The following TLN2 variants were observed in gnomAD, a reference collection of about 807,000 sequenced individuals.
TLN2 encodes talin 2.
TLN2 carries 118 observed loss-of-function variants against 294.7 expected under a neutral mutation model. The observed-to-expected ratio is 0.40, with a 90% CI of 0.34 to 0.47. The LOEUF (loss-of-function observed/expected upper bound fraction) is 0.47, where lower values mean the gene tolerates loss of function less well. TLN2 is among the 20% of genes least tolerant of loss of function. The pLI, the probability that TLN2 is intolerant of heterozygous loss-of-function variation, is 0.84. For synonymous variants in TLN2, 1,431 were observed against 1,304.5 expected, an observed-to-expected ratio of 1.10 and a Z score of -2.09; for missense variants, 3,083 against 3,282.2, an observed-to-expected ratio of 0.94 and a Z score of 1.48.
At chr15:62,609,218 A>G (rs1028161658) in intron 2 of TLN2, among the ~76,000 whole-genome samples, 2 of 152,248 alleles carry the variant, frequency 1.3e-5, no homozygotes, top group Non-Finnish European at 2.9e-5. Context: ...AATACAGCAC[A>G]AAAGAAGGTT....
rs910829682 is a variant in TLN2 at position 62,620,816 on chromosome 15, C to CT, written c.-37+2351dup. ...ATTTTCAGATTCCTGAAACCTGCTT[C>CT]TTTTTTTTTTCTTTCTTTTTCTTTT... On this transcript the variant is annotated intron_variant, in intron 3 of 58. Transcript: ENST00000636159. Among the ~76,000 whole-genome samples the CT allele has an allele frequency of 1.4e-4, 19 of 133,720 alleles. 1 individual carries two copies. In the South Asian group the frequency reaches 1.5e-3, roughly 10 times the overall value. 87.7% of individuals were successfully genotyped at this position (133,720 alleles called of 152,430 possible).
At position 62,820,875 on chromosome 15, in the gene TLN2, C is replaced by T. The variant is rs542378187; in HGVS notation, c.7002+265C>T. 2.6e-5 allele frequency among the ~76,000 whole-genome samples: 4 copies of T among 152,254 alleles called. No individual in the cohort carries two copies. In the East Asian group the frequency reaches 7.7e-4, roughly 29 times the overall value. On this transcript the variant is annotated intron_variant, in intron 54 of 58. Transcript: ENST00000636159. ...GGGCATTTGCAGTCTTGATTTAGTT[C>T]ATTATCTAAAGCAGGTGTTGGATGC...
rs3055755 is a variant in TLN2, at chr15:62,528,670, C to CTTTTTT, written c.-237-61002_-237-60997dup. 4.2e-4 allele frequency among the ~76,000 whole-genome samples: 41 copies of CTTTTTT among 96,780 alleles called. 3 individuals are homozygous for CTTTTTT. Among genetic ancestry groups the CTTTTTT allele is most frequent in the Admixed American group, 1.0e-3 (8 of 7,762 alleles). The allele number at this position is 96,780 out of a possible 152,430, so 63.5% of individuals were successfully genotyped here. ...CCTTCTTGAGTGTATCCAGAGCTTG[C>CTTTTTT]TTTTTTTTTTTTTTTTTTTTGGCAT... On this transcript the variant is annotated intron_variant, in intron 1 of 58. Transcript: ENST00000636159.
intron 1 of TLN2, among the ~76,000 whole-genome samples, chr15:62,539,040 C>T (rs2041522529): frequency 6.6e-6 from 1 of 151,966 alleles, no homozygotes; most frequent in Non-Finnish European, 1.5e-5. Flanking sequence ...GGGAGAATAC[C>T]CATGGAGTCT....
chr15:62,624,626 T>A (rs996319622), intron 3 of TLN2, among the ~76,000 whole-genome samples: 1 of 12,868 alleles, frequency 7.8e-5, no homozygotes, highest in Non-Finnish European at 2.8e-4. Flanking sequence ...ATGGTTTTCC[T>A]CTGCTTGTCA....
intron 24 of TLN2, among the ~76,000 whole-genome samples, chr15:62,718,059 G>C (rs1434836732): frequency 6.6e-6 from 1 of 152,096 alleles, no homozygotes; most frequent in African/African-American, 2.4e-5. Context: ...CCTGGAGCAG[G>C]GTTCATTTCC....
At chr15:62,415,695 G>A (rs977732647) in intron 1 of TLN2, among the ~76,000 whole-genome samples, 15 of 152,224 alleles carry the variant, frequency 9.9e-5, no homozygotes, top group Non-Finnish European at 2.1e-4. Flanking sequence ...AGGGAACAGT[G>A]TGTTCCAAGG....
intron 2 of TLN2, among the ~76,000 whole-genome samples, chr15:62,595,758 T>A (rs2046447217): frequency 6.6e-6 from 1 of 152,186 alleles, no homozygotes; most frequent in African/African-American, 2.4e-5. Context: ...TGTAGCAACA[T>A]GGATGAACCT....
At chr15:62,436,339 C>T (rs777167911) in intron 1 of TLN2, among the ~76,000 whole-genome samples, 6 of 152,214 alleles carry the variant, frequency 3.9e-5, no homozygotes, top group Non-Finnish European at 8.8e-5. Context: ...ACTAACAGTC[C>T]TTGGCAACTG....
chr15:62,487,566 C>T (rs1191093515), intron 1 of TLN2, among the ~76,000 whole-genome samples: 1 of 152,156 alleles, frequency 6.6e-6, no homozygotes, highest in Non-Finnish European at 1.5e-5. Flanking sequence ...GGTGCGGTGG[C>T]TCATGCCTAT....
Position 62,841,009 on chromosome 15 carries a change from T to G in TLN2, c.*399T>G. The stretch of plus-strand genomic sequence containing the variant: ...ATAGGGAAAAAAATCATTGACGTCA[T>G]AGAATATTCTTCTTCCTCTCAGGAG... On this transcript the variant is annotated 3_prime_UTR_variant, in exon 59 of 59. Coordinates refer to ENST00000636159, the MANE Select transcript of TLN2 (RefSeq NM_015059.3). The G allele has an allele frequency of 1.3e-5, 2 of 156,266 alleles. No homozygotes were observed. Among genetic ancestry groups the G allele is most frequent in the East Asian group, 1.9e-4 (1 of 5,354 alleles). The allele number at this position is 156,266 out of a possible 1,614,324, so 9.7% of individuals were successfully genotyped here.
intron 9 of TLN2, among the ~76,000 whole-genome samples, 153 bp from the exon 10 acceptor site, chr15:62,673,674 G>C (rs1189173047): frequency 4.0e-5 from 6 of 150,906 alleles, no homozygotes; most frequent in Non-Finnish European, 8.8e-5. Flanking sequence ...CCTTATTCAA[G>C]TGCATCGTAG....
At chr15:62,591,138 T>C (rs2046045348) in intron 2 of TLN2, among the ~76,000 whole-genome samples, 1 of 152,250 alleles carries the variant, frequency 6.6e-6, no homozygotes, top group Non-Finnish European at 1.5e-5. Context: ...TCTACTAATA[T>C]AATTTTGCCA....
chr15:62,450,471 A>G (rs1323836414), intron 1 of TLN2, among the ~76,000 whole-genome samples: 1 of 151,498 alleles, frequency 6.6e-6, no homozygotes, highest in African/African-American at 2.4e-5. Context: ...TTAACCTACC[A>G]TCTGTGAGTA....
At chr15:62,426,669 A>C (rs1179798830) in intron 1 of TLN2, among the ~76,000 whole-genome samples, 1 of 152,132 alleles carries the variant, frequency 6.6e-6, no homozygotes, top group Non-Finnish European at 1.5e-5. Context: ...CTGTTCATTC[A>C]GTTTTGTCTT....
At chr15:62,522,976 ACACT>A (rs779769322) in intron 1 of TLN2, among the ~76,000 whole-genome samples, 7,746 of 123,938 alleles carry the variant, frequency 0.062, 323 homozygotes, top group African/African-American at 0.18. Flanking sequence ...ACACACACAC[ACACT>A]CTCTCACTCA....
chr15:62,700,008 C>T (rs2058614910), intron 16 of TLN2, among the ~76,000 whole-genome samples: 1 of 152,168 alleles, frequency 6.6e-6, no homozygotes, highest in African/African-American at 2.4e-5. Flanking sequence ...GATAACTGCC[C>T]TCCAAGTTCT....
intron 1 of TLN2, among the ~76,000 whole-genome samples, chr15:62,410,650 C>G (rs1198505180): frequency 6.6e-6 from 1 of 152,194 alleles, no homozygotes. Flanking sequence ...GGAATTGGTG[C>G]AGGGCTACTG....
intron 1 of TLN2, among the ~76,000 whole-genome samples, chr15:62,434,013 T>G (rs115319555): frequency 0.016 from 2,339 of 148,646 alleles, 64 homozygotes; most frequent in African/African-American, 0.055. Context: ...AAAAAAAGAT[T>G]GTCTCCCTAA....
Sources: allele counts gnomAD v4.1 joint callset (sites outside exome capture counted in the v4.1 genomes callset), GRCh38; gene constraint gnomAD v4.1.1; transcripts MANE v1.5; gene names NCBI Gene and HGNC (gene_info 2026-07-23, HGNC 2026-07-21).